The following COL23A1 variants were observed in gnomAD, a reference collection of about 807,000 sequenced individuals.
COL23A1 encodes the protein collagen alpha-1(XXIII) chain.
A neutral mutation model predicts 99.3 loss-of-function variants in COL23A1; 97 were observed. The observed-to-expected ratio is 0.98, with a 90% CI of 0.83 to 1.16. COL23A1 has a LOEUF of 1.16. Among genes scored for constraint, COL23A1 ranks in the 50% most tolerant of loss-of-function variants. The pLI is 0.00. For missense variants in COL23A1, 762 were observed against 757.4 expected (o/e 1.01, Z -0.07); for synonymous variants, 320 against 308.2 (o/e 1.04, Z -0.40).
intron 2 of COL23A1, among the ~76,000 whole-genome samples, chr5:178,379,377 C>G (rs1304494144): frequency 6.6e-6 from 1 of 152,162 alleles, no homozygotes; most frequent in African/African-American, 2.4e-5. Context: ...CTGTGTACCT[C>G]TGTGTGTGTA....
chr5:178,576,810 C>T lies in COL23A1; in HGVS notation c.294+13094G>A, dbSNP rs1194507896. On this transcript the variant is annotated intron_variant, in intron 1 of 28. Coordinates refer to ENST00000390654, the MANE Select transcript of COL23A1 (RefSeq NM_173465.4). ...GGTCCTGTCCTCCGAGGCGCCAGGC[C>T]TCCGCCTCCAGCGCGGGCCTCTCGG... 4.6e-5 allele frequency among the ~76,000 whole-genome samples: 7 copies of T among 152,110 alleles called. No homozygotes were observed. The East Asian group carries it at 1.4e-3, about 30-fold the overall frequency.
chr5:178,249,714 A>ACACACACTCT (rs1285035339), intron 18 of COL23A1, among the ~76,000 whole-genome samples: 7 of 116,212 alleles, frequency 6.0e-5, no homozygotes, highest in Non-Finnish European at 3.6e-5. Context: ...ACACACACAC[A>ACACACACTCT]CACTCTCTCT....
chr5:178,575,387 G>A (rs1353627963), intron 1 of COL23A1, among the ~76,000 whole-genome samples: 1 of 151,322 alleles, frequency 6.6e-6, no homozygotes, highest in Non-Finnish European at 1.5e-5. Flanking sequence ...CTTTGAAAAT[G>A]CAGCATTTCC....
intron 27 of COL23A1, among the ~76,000 whole-genome samples, chr5:178,239,420 T>C (rs2127519906): frequency 6.6e-6 from 1 of 152,246 alleles, no homozygotes; most frequent in African/African-American, 2.4e-5. Context: ...CTGTGCTTTG[T>C]GGGGACTGCT....
chr5:178,262,287 C>T lies in COL23A1; in HGVS notation c.640-35G>A, dbSNP rs920817149. 1.5e-5 allele frequency: 23 copies of T among 1,564,918 alleles called. 1 individual carries two copies. In the African/African-American group the frequency reaches 2.6e-4, roughly 17 times the overall value. On this transcript the variant is annotated intron_variant, in intron 9 of 28. Coordinates refer to ENST00000390654, the MANE Select transcript of COL23A1 (RefSeq NM_173465.4). ...TGTGAGGGGACAGCAGTGAAGGATG[C>T]AGGATGTCACATTGAACTGAGCCCA...
At chr5:178,247,891 C>T in intron 20 of COL23A1, 60 bp from the exon 21 acceptor site, 1 of 1,438,574 alleles carries the variant, frequency 7.0e-7, no homozygotes, top group Non-Finnish European at 9.6e-7. Context: ...CTACCCGCAC[C>T]CGAGCTCATC....
At chr5:178,380,393 T>G (rs373154986) in intron 2 of COL23A1, among the ~76,000 whole-genome samples, 1 of 147,130 alleles carries the variant, frequency 6.8e-6, no homozygotes, top group Non-Finnish European at 1.5e-5. Context: ...GAGCATGCAT[T>G]TGTGTGTGTG....
At chr5:178,531,816 G>A (rs139502196) in intron 2 of COL23A1, among the ~76,000 whole-genome samples, 14 of 152,172 alleles carry the variant, frequency 9.2e-5, no homozygotes, top group African/African-American at 2.9e-4. Context: ...GCCCATCCTC[G>A]GCCTTCTAAG....
intron 5 of COL23A1, among the ~76,000 whole-genome samples, chr5:178,283,085 C>T (rs36093496): frequency 0.097 from 14,816 of 151,996 alleles, 1,010 homozygotes; most frequent in Non-Finnish European, 0.15. Context: ...AGGGTTTCAC[C>T]GTATTGGCCA....
intron 2 of COL23A1, among the ~76,000 whole-genome samples, chr5:178,453,725 A>G (rs1350425748): frequency 1.3e-5 from 2 of 152,090 alleles, no homozygotes; most frequent in African/African-American, 4.8e-5. Flanking sequence ...TCTTCTCCCC[A>G]TTCCACAGAC....
chr5:178,586,533 G>C (rs1764014800), intron 1 of COL23A1, among the ~76,000 whole-genome samples: 1 of 150,960 alleles, frequency 6.6e-6, no homozygotes, highest in South Asian at 2.1e-4. Context: ...AAATATGTCT[G>C]TGAAAGGAAC....
In COL23A1 at chr5:178,241,944, T is replaced by C. The variant is rs574407198; in HGVS notation, c.1581+98A>G. 5 of 883,314 alleles carry C rather than the reference T, an allele frequency of 5.7e-6. No individual in the cohort carries two copies. The East Asian group carries it at 1.1e-4, about 19-fold the overall frequency. 54.7% of individuals were successfully genotyped at this position (883,314 alleles called of 1,614,324 possible). On this transcript the variant is annotated intron_variant, in intron 27 of 28. Coordinates refer to ENST00000390654, the MANE Select transcript of COL23A1 (RefSeq NM_173465.4). ...GCCAGTGCGTGACCAGTGGGGCCTCTGGGACTTGCAGCTGAGTTCCGAGGA... is the reference window on the plus strand; with the variant it reads ...GCCAGTGCGTGACCAGTGGGGCCTCCGGGACTTGCAGCTGAGTTCCGAGGA...
chr5:178,385,955 A>G (rs987695753), intron 2 of COL23A1, among the ~76,000 whole-genome samples: 2 of 152,208 alleles, frequency 1.3e-5, no homozygotes, highest in African/African-American at 2.4e-5. Context: ...TTCTCGGGAA[A>G]TGAAAATCCA....
chr5:178,397,506 A>AC (rs1764215871), intron 2 of COL23A1, among the ~76,000 whole-genome samples: 2 of 152,336 alleles, frequency 1.3e-5, no homozygotes, highest in South Asian at 4.1e-4. Flanking sequence ...GCCCCTTCTA[A>AC]CATCAGTGCC....
chr5:178,581,172 G>A (rs970187516), intron 1 of COL23A1, among the ~76,000 whole-genome samples: 2 of 152,202 alleles, frequency 1.3e-5, no homozygotes, highest in South Asian at 2.1e-4. Flanking sequence ...TTGAATCCAC[G>A]TTGCCCATTA....
At chr5:178,316,980 T>C (rs1161635142) in intron 2 of COL23A1, among the ~76,000 whole-genome samples, 3 of 152,242 alleles carry the variant, frequency 2.0e-5, no homozygotes, top group Non-Finnish European at 4.4e-5. Flanking sequence ...AGACTGATAC[T>C]ACTGCTTATC....
At chr5:178,304,383 T>C (rs1352571138) in intron 3 of COL23A1, among the ~76,000 whole-genome samples, 1 of 151,864 alleles carries the variant, frequency 6.6e-6, no homozygotes, top group East Asian at 1.9e-4. Context: ...TGGTGACGCG[T>C]GCCTGTAATC....
At chr5:178,282,124 C>T (rs977287723) in intron 5 of COL23A1, among the ~76,000 whole-genome samples, 1 of 151,314 alleles carries the variant, frequency 6.6e-6, no homozygotes, top group East Asian at 1.9e-4. Context: ...TTCAGCTGCT[C>T]CTCTGCAGGG....
intron 2 of COL23A1, among the ~76,000 whole-genome samples, chr5:178,386,393 T>C (rs1763674543): frequency 6.6e-6 from 1 of 151,610 alleles, no homozygotes; most frequent in Non-Finnish European, 1.5e-5. Flanking sequence ...GAGCTGAGAT[T>C]GCACCGCTGC....
Sources: gnomAD v4.1 joint callset for allele counts (sites outside exome capture counted in the v4.1 genomes callset) on GRCh38, gnomAD v4.1.1 for gene constraint, MANE v1.5 for transcripts, NCBI Gene and HGNC (gene_info 2026-07-23, HGNC 2026-07-21) for gene names.